HGD: variants seen among roughly 807,000 people sequenced by gnomAD.
HGD encodes the protein homogentisate 1,2-dioxygenase, also known as homogentisate oxidase.
Under a neutral mutation model 60.8 loss-of-function variants are expected in HGD, and 61 were observed. The observed-to-expected ratio is 1.00, with a 90% CI of 0.82 to 1.24. The LOEUF is 1.24. Among genes scored for constraint, HGD ranks in the 50% most tolerant of loss-of-function variants. The pLI is 0.00. For missense variants in HGD, 542 were observed against 547.1 expected (o/e 0.99, Z 0.09); for synonymous variants, 212 against 187.7 (o/e 1.13, Z -1.06).
At chr3:120,655,593 CTGATG>C (rs1941472184) in intron 4 of HGD, among the ~76,000 whole-genome samples, 1 of 152,156 alleles carries the variant, frequency 6.6e-6, no homozygotes. Flanking sequence ...GTCAGGAGCG[CTGATG>C]TGATATTTTG....
intron 12 of HGD, among the ~76,000 whole-genome samples, chr3:120,634,955 T>C (rs897671362): frequency 6.6e-6 from 1 of 152,212 alleles, no homozygotes; most frequent in Non-Finnish European, 1.5e-5. Flanking sequence ...ATAAATTGTC[T>C]ATGTTTTAAA....
intron 4 of HGD, among the ~76,000 whole-genome samples, chr3:120,662,569 A>G (rs750776659): frequency 1.3e-5 from 2 of 152,174 alleles, no homozygotes; most frequent in Non-Finnish European, 2.9e-5. Context: ...GGTAACTCTT[A>G]TGTATACTCA....
chr3:120,671,771 A>C (rs1708029511), intron 3 of HGD, among the ~76,000 whole-genome samples: 1 of 152,232 alleles, frequency 6.6e-6, no homozygotes, highest in South Asian at 2.1e-4. Flanking sequence ...GATAAAGAAA[A>C]TGTGGTACAT....
chr3:120,639,032 T>C (rs991598946), intron 11 of HGD, among the ~76,000 whole-genome samples: 15 of 152,192 alleles, frequency 9.9e-5, no homozygotes, highest in Admixed American at 9.2e-4. Flanking sequence ...TCCTTCGCCT[T>C]CCACCATGAT....
intron 10 of HGD, among the ~76,000 whole-genome samples, chr3:120,643,966 T>G (rs1235389016): frequency 6.6e-6 from 1 of 152,208 alleles, no homozygotes; most frequent in Admixed American, 6.5e-5. Context: ...TCAGAACATA[T>G]TATGCTGCCC....
At position 120,660,623 on chromosome 3, in the gene HGD, G is replaced by A. The variant is rs200557384; in HGVS notation, c.283-7972C>T. Among the ~76,000 whole-genome samples, 17 of 152,258 alleles carry A rather than the reference G, an allele frequency of 1.1e-4. No individual in the cohort carries two copies. The East Asian group carries it at 2.1e-3, about 19-fold the overall frequency. On this transcript the variant is annotated intron_variant, in intron 4 of 13. Transcript: ENST00000283871. The stretch of plus-strand genomic sequence containing the variant: ...CCAGATCACCTGAGATGAGGAGTTC[G>A]AGACCAGCCTGGCCAACATGGTGAA...
At chr3:120,655,439 G>A (rs1380309935) in intron 4 of HGD, among the ~76,000 whole-genome samples, 1 of 152,184 alleles carries the variant, frequency 6.6e-6, no homozygotes, top group Non-Finnish European at 1.5e-5. Flanking sequence ...ATAGGGAGAG[G>A]AGTCATTTAT....
intron 12 of HGD, among the ~76,000 whole-genome samples, chr3:120,634,031 C>A (rs996336966): frequency 1.3e-5 from 2 of 151,956 alleles, no homozygotes; most frequent in Non-Finnish European, 2.9e-5. Flanking sequence ...TCCATTGATA[C>A]CCTATTCATA....
intron 1 of HGD, among the ~76,000 whole-genome samples, chr3:120,679,042 C>T (rs536632039): frequency 2.6e-5 from 4 of 152,128 alleles, no homozygotes; most frequent in Admixed American, 6.6e-5. Context: ...TAATTTGATC[C>T]GACAGAAAAA....
In HGD at chr3:120,647,910, A is replaced by G; in HGVS notation, c.436T>C (p.Cys146Arg). The change falls in exon 7 of 14, where the codon TGC (cysteine) becomes CGC (arginine). Residue 146 changes from cysteine to arginine, a missense_variant and splice_region_variant. By Grantham distance (180) the Cys-to-Arg change is radical. Around this residue, in one of 2 missense-constraint regions of HGD, gnomAD observed 537 missense variants for 529.1 expected, o/e 1.01. Transcript: ENST00000283871. Reference sequence around the variant, plus strand: ...AAGTCCCCATCTGAATTGTAAAAGCATCTGAAACATATAGAGTAATTCTTG... The same window carrying G: ...AAGTCCCCATCTGAATTGTAAAAGCGTCTGAAACATATAGAGTAATTCTTG... ...FLCNTSMENRCFYNSDGDFLI... is the reference protein window; with the variant it reads ...FLCNTSMENRRFYNSDGDFLI... 6.2e-7 allele frequency: 1 copy of G among 1,608,802 alleles called. No individual in the cohort carries two copies. Among genetic ancestry groups the G allele is most frequent in the Non-Finnish European group, 8.5e-7 (1 of 1,175,084 alleles).
At chr3:120,668,606 A>G (rs750186547) in intron 4 of HGD, among the ~76,000 whole-genome samples, 9 of 152,072 alleles carry the variant, frequency 5.9e-5, no homozygotes, top group Non-Finnish European at 8.8e-5. Flanking sequence ...AAAATGAAGA[A>G]ATAAAGTTAC....
rs1708092319 is a variant in HGD, at chr3:120,674,868, G to A, written c.176+33C>T. 2.8e-6 allele frequency: 4 copies of A among 1,423,600 alleles called. No individual in the cohort carries two copies. In the African/African-American group the frequency reaches 5.6e-5, roughly 20 times the overall value. 88.2% of individuals were successfully genotyped at this position (1,423,600 alleles called of 1,614,324 possible). A position where few individuals can be genotyped will look rare whatever the true frequency, so the allele number is the denominator to read the frequency against. On this transcript the variant is annotated intron_variant, in intron 3 of 13. Coordinates refer to ENST00000283871, the MANE Select transcript of HGD (RefSeq NM_000187.4). ...CAAAGTCCCTGTCATAGTACCCACA[G>A]TCTGCAGGTCAGAATTCATCTAATC...
At chr3:120,664,988 G>C (rs909518759) in intron 4 of HGD, among the ~76,000 whole-genome samples, 4 of 152,184 alleles carry the variant, frequency 2.6e-5, no homozygotes, top group Admixed American at 2.0e-4. Context: ...AGGCTGAATT[G>C]CATAGGGTTA....
At chr3:120,675,398 T>G (rs748897772) in intron 2 of HGD, among the ~76,000 whole-genome samples, 1 of 152,134 alleles carries the variant, frequency 6.6e-6, no homozygotes, top group Non-Finnish European at 1.5e-5. Flanking sequence ...TTGAAAATAT[T>G]TTTGTTTCCC....
chr3:120,661,491 T>A lies in HGD; in HGVS notation c.283-8840A>T, dbSNP rs1041485541. On this transcript the variant is annotated intron_variant, in intron 4 of 13. Coordinates refer to ENST00000283871, the MANE Select transcript of HGD (RefSeq NM_000187.4). ...CCCTCAGGTAATCCATTACAGAAGA[T>A]CCTGGAAATGTGAAAACCTCATGAT... Among the ~76,000 whole-genome samples, 2 of 152,166 alleles carry A rather than the reference T, an allele frequency of 1.3e-5. 1 individual carries two copies. Among genetic ancestry groups the A allele is most frequent in the South Asian group, 4.1e-4 (2 of 4,826 alleles).
intron 11 of HGD, among the ~76,000 whole-genome samples, chr3:120,640,745 C>G (rs1332118458): frequency 6.6e-6 from 1 of 152,152 alleles, no homozygotes; most frequent in Non-Finnish European, 1.5e-5. Context: ...TGTTTGGGGT[C>G]TGATGTCTCA....
chr3:120,637,214 A>G (rs563979611), intron 12 of HGD, among the ~76,000 whole-genome samples: 215 of 151,940 alleles, frequency 1.4e-3, no homozygotes, highest in African/African-American at 5.0e-3. Flanking sequence ...CTCTGGTATC[A>G]GACAGCCTGC....
At chr3:120,664,808 A>G (rs935138518) in intron 4 of HGD, among the ~76,000 whole-genome samples, 11 of 152,218 alleles carry the variant, frequency 7.2e-5, no homozygotes, top group Admixed American at 3.9e-4. Flanking sequence ...ATGTACAAAA[A>G]GAAAGGACTG....
intron 12 of HGD, among the ~76,000 whole-genome samples, chr3:120,636,944 G>A (rs1208394605): frequency 6.6e-6 from 1 of 152,120 alleles, no homozygotes; most frequent in African/African-American, 2.4e-5. Context: ...GAATGTTCCA[G>A]GTGGAATGCC....
Sources: allele counts gnomAD v4.1 joint callset (sites outside exome capture counted in the v4.1 genomes callset), GRCh38; gene constraint gnomAD v4.1.1; regional missense constraint gnomAD v4.1.1; transcripts MANE v1.5; gene names NCBI Gene and HGNC (gene_info 2026-07-23, HGNC 2026-07-21).